GGACT: variants seen among roughly 807,000 people sequenced by gnomAD.
GGACT encodes the protein gamma-glutamylaminecyclotransferase.
For missense variants in GGACT, 241 were observed against 233.2 expected (o/e 1.03, Z -0.22); for synonymous variants, 118 against 115.3 (o/e 1.02, Z -0.15).
chr13:100,542,586 G>A (rs943384686), intron 2 of GGACT, among the ~76,000 whole-genome samples: 4 of 152,114 alleles, frequency 2.6e-5, no homozygotes, highest in South Asian at 2.1e-4. Flanking sequence ...TGCAGATGTC[G>A]TTCCCTGATG....
intron 2 of GGACT, among the ~76,000 whole-genome samples, chr13:100,567,801 TG>T (rs1449178539): frequency 6.6e-6 from 1 of 152,240 alleles, no homozygotes; most frequent in Non-Finnish European, 1.5e-5. Flanking sequence ...TCTGCATTTC[TG>T]TATTAATAAC....
chr13:100,544,345 G>A (rs974784733), intron 2 of GGACT, among the ~76,000 whole-genome samples: 9 of 152,206 alleles, frequency 5.9e-5, no homozygotes, highest in Admixed American at 3.3e-4. Context: ...ACTCTTCCCC[G>A]CGCGGCTCGG....
At chr13:100,583,211 T>G (rs1420313182) in intron 2 of GGACT, among the ~76,000 whole-genome samples, 1 of 152,228 alleles carries the variant, frequency 6.6e-6, no homozygotes, top group Non-Finnish European at 1.5e-5. Context: ...ACATTTTCAT[T>G]TATCTGTGTT....
At chr13:100,532,879 G>A (rs1000383276) in intron 2 of GGACT, among the ~76,000 whole-genome samples, 1 of 152,236 alleles carries the variant, frequency 6.6e-6, no homozygotes, top group African/African-American at 2.4e-5. Flanking sequence ...CTAACCTGTG[G>A]GCATGGTGTT....
At position 100,530,349 on chromosome 13, in the gene GGACT, AT is replaced by A. The variant is rs577445847; in HGVS notation, c.*1780del. 1.5e-6 allele frequency: 1 copy of A among 659,420 alleles called. No homozygotes were observed. The highest frequency in any genetic ancestry group is 2.8e-6 in the Non-Finnish European group (1 of 362,584). The allele number at this position is 659,420 out of a possible 1,614,324, so 40.8% of individuals were successfully genotyped here. A position where few individuals can be genotyped will look rare whatever the true frequency, so the allele number is the denominator to read the frequency against. On this transcript the variant is annotated 3_prime_UTR_variant, in exon 3 of 3. Transcript: ENST00000683975. ...ATCACCAATGGAAATTTTCATTGAT[AT>A]AAATACTTGTACATATGATTTGTAC...
At chr13:100,561,163 G>A (rs763150143) in intron 2 of GGACT, among the ~76,000 whole-genome samples, 4 of 152,242 alleles carry the variant, frequency 2.6e-5, no homozygotes, top group Non-Finnish European at 1.5e-5. Flanking sequence ...AGTATTTCCA[G>A]CTCCATTGCT....
chr13:100,540,906 G>A (rs539706486), intron 2 of GGACT, among the ~76,000 whole-genome samples: 1 of 152,320 alleles, frequency 6.6e-6, no homozygotes, highest in Admixed American at 6.5e-5. Flanking sequence ...GGCTGGGAGG[G>A]GTGACACTGC....
At chr13:100,585,886 C>A (rs1875556472) in intron 1 of GGACT, among the ~76,000 whole-genome samples, 2 of 144,148 alleles carry the variant, frequency 1.4e-5, no homozygotes, top group South Asian at 4.4e-4. Flanking sequence ...TGCCTGTAAT[C>A]CCAACTACTC....
intron 2 of GGACT, among the ~76,000 whole-genome samples, chr13:100,540,537 GGTCT>G (rs2088543297): frequency 6.6e-6 from 1 of 152,114 alleles, no homozygotes; most frequent in African/African-American, 2.4e-5. Context: ...TTAAGTTAAA[GGTCT>G]GTCAATTTTG....
At position 100,531,546 on chromosome 13, in the gene GGACT, C is replaced by A. The variant is rs1216191651; in HGVS notation, c.*584G>T. 1 of 152,224 alleles carries A rather than the reference C, an allele frequency of 6.6e-6. No individual in the cohort carries two copies. 9.4% of individuals were successfully genotyped at this position (152,224 alleles called of 1,614,324 possible). A position where few individuals can be genotyped will look rare whatever the true frequency, so the allele number is the denominator to read the frequency against. On this transcript the variant is annotated 3_prime_UTR_variant, in exon 3 of 3. Coordinates refer to ENST00000683975, the MANE Select transcript of GGACT (RefSeq NM_001195087.2). ...GTGGGGGTCAAACACAGTACCAACA[C>A]TTTTATATCTGATTTCCCAAAACAT... is the stretch of plus-strand genomic sequence containing the variant.
chr13:100,565,245 G>A (rs867629492), intron 2 of GGACT, among the ~76,000 whole-genome samples: 46 of 152,094 alleles, frequency 3.0e-4, no homozygotes, highest in African/African-American at 1.1e-3. Flanking sequence ...CAAAAAACTG[G>A]GAGATTTCAA....
chr13:100,540,676 T>C (rs999528372), intron 2 of GGACT, among the ~76,000 whole-genome samples: 2 of 152,218 alleles, frequency 1.3e-5, no homozygotes, highest in Non-Finnish European at 2.9e-5. Context: ...GGGTTTTGTT[T>C]GTTGTTTTTT....
intron 2 of GGACT, among the ~76,000 whole-genome samples, chr13:100,568,375 A>C (rs1566537165): frequency 1.3e-5 from 2 of 152,264 alleles, no homozygotes; most frequent in African/African-American, 4.8e-5. Context: ...CAGAAGGGGA[A>C]CCAAACATGT....
intron 2 of GGACT, among the ~76,000 whole-genome samples, chr13:100,540,588 A>G (rs837304): frequency 0.016 from 2,461 of 152,082 alleles, 66 homozygotes; most frequent in African/African-American, 0.057. Context: ...GGTTTAACTG[A>G]TTTTCTCTGT....
At chr13:100,566,269 A>C (rs1874874629) in intron 2 of GGACT, among the ~76,000 whole-genome samples, 1 of 152,214 alleles carries the variant, frequency 6.6e-6, no homozygotes, top group Non-Finnish European at 1.5e-5. Flanking sequence ...TTTGTTCCTC[A>C]GCAGTGGATA....
intron 2 of GGACT, among the ~76,000 whole-genome samples, chr13:100,567,832 A>G (rs1874948917): frequency 6.6e-6 from 1 of 152,226 alleles, no homozygotes; most frequent in Non-Finnish European, 1.5e-5. Context: ...TGACACTGGG[A>G]AACCTGGCTC....
chr13:100,564,128 A>G (rs2088789327), intron 2 of GGACT, among the ~76,000 whole-genome samples: 1 of 152,254 alleles, frequency 6.6e-6, no homozygotes, highest in African/African-American at 2.4e-5. Context: ...AGTTGGATTT[A>G]GTAATTTAGG....
At chr13:100,533,062 G>A (rs917137695) in intron 2 of GGACT, among the ~76,000 whole-genome samples, 1 of 152,322 alleles carries the variant, frequency 6.6e-6, no homozygotes, top group South Asian at 2.1e-4. Flanking sequence ...GCCCTGCCTC[G>A]CCTGCACAGG....
chr13:100,544,562 T>C (rs1205056278), intron 2 of GGACT, among the ~76,000 whole-genome samples: 1 of 152,216 alleles, frequency 6.6e-6, no homozygotes, highest in Non-Finnish European at 1.5e-5. Context: ...CTGGCGCCTT[T>C]GAAATCAGAG....
Sources: gnomAD v4.1 joint callset for allele counts (sites outside exome capture counted in the v4.1 genomes callset) on GRCh38, gnomAD v4.1.1 for gene constraint, MANE v1.5 for transcripts, NCBI Gene and HGNC (gene_info 2026-07-23, HGNC 2026-07-21) for gene names.